The following ABCA7 variants were observed in gnomAD, a reference collection of about 807,000 sequenced individuals.
The protein encoded by ABCA7 is ATP binding cassette subfamily A member 7, also known as phospholipid-transporting ATPase ABCA7.
ABCA7 carries 261 observed loss-of-function variants against 227.6 expected under a neutral mutation model. The observed-to-expected ratio is 1.15, with a 90% CI of 1.04 to 1.27. The LOEUF (loss-of-function observed/expected upper bound fraction) is 1.27, where lower values mean the gene tolerates loss of function less well. Among genes scored for constraint, ABCA7 ranks in the 50% most tolerant of loss-of-function variants. The pLI, the probability that ABCA7 is intolerant of heterozygous loss-of-function variation, is 0.00. For missense variants in ABCA7, 3,331 were observed against 2,924.5 expected (o/e 1.14, Z -3.21); for synonymous variants, 1,488 against 1,279.7 (o/e 1.16, Z -3.47).
rs759759637 is a variant in ABCA7 at position 1,047,009 on chromosome 19, G to C, written c.1830G>C (p.Leu610=). 1.9e-6 allele frequency: 3 copies of C among 1,569,000 alleles called. No individual in the cohort carries two copies. The South Asian group carries it at 3.5e-5, about 18-fold the overall frequency. The change falls in exon 14 of 47, where the codon CTG becomes CTC. Residue 610 remains leucine, a synonymous_variant. Transcript: ENST00000263094. ...LGPFLLSAAL[L]VLVLKLGDIL... Reference sequence around the variant, plus strand: ...CCTTCCTGCTCAGCGCCGCACTGCTGGTTCTGGTGCTCAAGGTGGGCGCGC... The same window carrying C: ...CCTTCCTGCTCAGCGCCGCACTGCTCGTTCTGGTGCTCAAGGTGGGCGCGC...
rs757220996 is a variant in ABCA7 at position 1,054,258 on chromosome 19, G to A, written c.3643G>A (p.Ala1215Thr). The change falls in exon 27 of 47, where the codon GCA becomes ACA. Residue 1215 changes from alanine (A) to threonine (T), a missense_variant. Transcript: ENST00000263094. This position sits in a 1 kb window ranked among gnomAD's most constrained non-coding sequence, Gnocchi z 4.8. ...CGCCGTGGGCCGGGTACAGGGCTGG[G>A]CACTGACCCGCCAGCAGCTCCAGGC... is the stretch of plus-strand genomic sequence containing the variant. ...PDAVGRVQGW[A>T]LTRQQLQALL... 1.9e-6 allele frequency: 3 copies of A among 1,608,378 alleles called. No homozygotes were observed. The highest frequency in any genetic ancestry group is 3.3e-5 in the Admixed American group (2 of 59,862).
Position 1,046,952 on chromosome 19 carries a change from C to G in ABCA7, c.1773C>G (p.Leu591=), listed in dbSNP as rs1369213081. Residue 591 remains leucine (L), a synonymous_variant, in exon 14 of 47, where the codon CTC becomes CTG. Coordinates refer to ENST00000263094, the MANE Select transcript of ABCA7 (RefSeq NM_019112.4). ...MRAMGLSRAV[L]WLGWFLSCLG... The stretch of plus-strand genomic sequence containing the variant: ...CCATGGGGCTCAGCCGCGCGGTGCT[C>G]TGGCTAGGCTGGTTCCTCAGCTGCC... 6.3e-7 allele frequency: 1 copy of G among 1,575,660 alleles called. No individual in the cohort carries two copies.
chr19:1,050,363 G>C (rs1158889984), intron 18 of ABCA7, among the ~76,000 whole-genome samples: 3 of 151,208 alleles, frequency 2.0e-5, no homozygotes, highest in Non-Finnish European at 3.0e-5. Flanking sequence ...AGTGAGCCGA[G>C]ACTGTGCCGT....
chr19:1,056,503 AGT>A lies in ABCA7; in HGVS notation c.4586+5_4586+6del. The A allele has an allele frequency of 6.2e-7, 1 of 1,610,546 alleles. No individual in the cohort carries two copies. ...AGCAGCTGTCTGAGGGTGCACTGTG[AGT>A]CCCTCCACCCTGCATGTCCTACCCT... is the stretch of plus-strand genomic sequence containing the variant. On this transcript the variant is annotated splice_donor_5th_base_variant and intron_variant, in intron 33 of 46. Coordinates refer to ENST00000263094, the MANE Select transcript of ABCA7 (RefSeq NM_019112.4). The surrounding 1 kb of genome is among the most constrained non-coding windows in gnomAD (Gnocchi z 4.3).
intron 7 of ABCA7, 50 bp from the exon 8 acceptor site, chr19:1,042,991 G>C (rs752798142): frequency 1.3e-6 from 2 of 1,557,832 alleles, no homozygotes; most frequent in Non-Finnish European, 1.7e-6. Context: ...GCCCTGGTTA[G>C]GGCTTGGAGG....
In ABCA7 at chr19:1,057,951, C is replaced by A; in HGVS notation, c.4917C>A (p.Phe1639Leu). 3 of 1,614,058 alleles carry A rather than the reference C, an allele frequency of 1.9e-6. No individual in the cohort carries two copies. Among genetic ancestry groups the A allele is most frequent in the Non-Finnish European group, 2.5e-6 (3 of 1,180,026 alleles). The change falls in exon 36 of 47, where the codon TTC (phenylalanine) becomes TTA (leucine). Residue 1639 changes from phenylalanine (F) to leucine (L), a missense_variant. Phe to Leu is a conservative substitution (Grantham distance 22). Transcript: ENST00000263094. ...CACCGCTCATGTACCCAGCCTCCTTCTTCTTCTCCGTGCCCAGCACAGCCT... is the reference window on the plus strand; with the variant it reads ...CACCGCTCATGTACCCAGCCTCCTTATTCTTCTCCGTGCCCAGCACAGCCT... ...SITPLMYPASFFFSVPSTAYV... is the reference protein window; with the variant it reads ...SITPLMYPASLFFSVPSTAYV...
Position 1,065,383 on chromosome 19 carries a change from C to A in ABCA7, c.6399C>A (p.Ser2133Arg). Residue 2133 changes from serine (S) to arginine (R), a missense_variant, in exon 47 of 47, where the codon AGC (serine) becomes AGA (arginine). Physicochemically the swap from Ser to Arg is moderately radical, Grantham distance 110. Coordinates refer to ENST00000263094, the MANE Select transcript of ABCA7 (RefSeq NM_019112.4). ...APGLQHPKRVSQFLDDPSTAE... is the reference protein window; with the variant it reads ...APGLQHPKRVRQFLDDPSTAE... Reference sequence around the variant, plus strand: ...GCCTGCAGCACCCCAAACGCGTCAGCCAGTTCCTCGATGACCCTAGCACTG... The same window carrying A: ...GCCTGCAGCACCCCAAACGCGTCAGACAGTTCCTCGATGACCCTAGCACTG... 1 of 1,613,596 alleles carries A rather than the reference C, an allele frequency of 6.2e-7. No homozygotes were observed.
At chr19:1,047,429 C>A in intron 15 of ABCA7, 24 bp from the exon 16 acceptor site, 1 of 1,538,084 alleles carries the variant, frequency 6.5e-7, no homozygotes, top group Non-Finnish European at 8.7e-7. Flanking sequence ...TTCGGCCGCT[C>A]ACTGACCGCC....
chr19:1,057,367 GCAGAGGGCATATGTGGC>G lies in ABCA7; in HGVS notation c.4820_4836del (p.Gln1607ProfsTer58), dbSNP rs1334908084. 6.2e-7 allele frequency: 1 copy of G among 1,613,836 alleles called. No homozygotes were observed. The highest frequency in any genetic ancestry group is 8.5e-7 in the Non-Finnish European group (1 of 1,180,036). On this transcript the variant is annotated frameshift_variant, in exon 35 of 47. Coordinates refer to ENST00000263094, the MANE Select transcript of ABCA7 (RefSeq NM_019112.4). LOFTEE classifies it high-confidence loss of function. The stretch of plus-strand genomic sequence containing the variant: ...TGGTGCTCATCTTTCTGGCCTTCCA[GCAGAGGGCATATGTGGC>G]CCCTGCCAACCTGCCTGCTCTCCTG...
intron 18 of ABCA7, 45 bp from the exon 19 acceptor site, chr19:1,050,876 G>T: frequency 6.8e-7 from 1 of 1,469,400 alleles, no homozygotes; most frequent in Non-Finnish European, 9.0e-7. Context: ...GTAACTGCCA[G>T]TGCACTCTGT....
chr19:1,065,267 T>C lies in ABCA7; in HGVS notation c.6286-3T>C. On this transcript the variant is annotated splice_polypyrimidine_tract_variant and splice_region_variant and intron_variant, in intron 46 of 46. Transcript: ENST00000263094. The stretch of plus-strand genomic sequence containing the variant: ...TTGTCCCCTCTGGGCTGCCCACCGC[T>C]AGGTATTCTTGTACTTCTCCAAGGA... 1 of 1,613,066 alleles carries C rather than the reference T, an allele frequency of 6.2e-7. No individual in the cohort carries two copies. The highest frequency in any genetic ancestry group is 8.5e-7 in the Non-Finnish European group (1 of 1,179,928).
rs766877133 is a variant in ABCA7, at chr19:1,045,047, C to G, written c.1261C>G (p.Leu421Val). Residue 421 changes from leucine (L) to valine (V), a missense_variant, in exon 12 of 47, where the codon CTG (leucine) becomes GTG (valine). Leu to Val is a conservative substitution (Grantham distance 32). Coordinates refer to ENST00000263094, the MANE Select transcript of ABCA7 (RefSeq NM_019112.4). Reference sequence around the variant, plus strand: ...GGAGGCGGCACCCTCAGAGGCAGCCCTGGTGTCGCGGGCCCTGCAACTGCT... The same window carrying G: ...GGAGGCGGCACCCTCAGAGGCAGCCGTGGTGTCGCGGGCCCTGCAACTGCT... ...KLEAAPSEAA[L>V]VSRALQLLAE... The G allele has an allele frequency of 6.2e-7, 1 of 1,612,796 alleles. No individual in the cohort carries two copies. Among genetic ancestry groups the G allele is most frequent in the African/African-American group, 1.3e-5 (1 of 74,904 alleles).
intron 13 of ABCA7, 130 bp from the exon 14 acceptor site, chr19:1,046,672 G>A (rs1169519971): frequency 1.0e-5 from 12 of 1,173,424 alleles, no homozygotes; most frequent in Non-Finnish European, 1.4e-5. Flanking sequence ...GCTGGATCAG[G>A]TTCCAAGGAA....
At chr19:1,057,171 A>G in intron 34 of ABCA7, 87 bp downstream of exon 34, 3 of 1,555,372 alleles carry the variant, frequency 1.9e-6, no homozygotes, top group Non-Finnish European at 1.7e-6. Context: ...CTTGTCCAAG[A>G]TGGCCTGGGT....
chr19:1,057,204 A>G, intron 34 of ABCA7, 110 bp from the exon 35 acceptor site: 2 of 1,550,406 alleles, frequency 1.3e-6, no homozygotes, highest in African/African-American at 2.7e-5. Flanking sequence ...ATTGTGGGAG[A>G]CTTTGTGCCT....
At position 1,062,283 on chromosome 19, in the gene ABCA7, G is replaced by A. The variant is rs1300074050; in HGVS notation, c.5682G>A (p.Leu1894=). 6.2e-7 allele frequency: 1 copy of A among 1,608,570 alleles called. No homozygotes were observed. Among genetic ancestry groups the A allele is most frequent in the Non-Finnish European group, 8.5e-7 (1 of 1,179,626 alleles). Reference sequence around the variant, plus strand: ...AGCACCTGGAGCTGCTTGCGCGCCTGCGCGGTGTCCCGGAGGCCCAGGTTG... The same window carrying A: ...AGCACCTGGAGCTGCTTGCGCGCCTACGCGGTGTCCCGGAGGCCCAGGTTG... ...GREHLELLAR[L]RGVPEAQVAQ... is the part of the protein sequence containing the mutation. The change falls in exon 42 of 47, where the codon CTG becomes CTA. Residue 1894 remains leucine (L), a synonymous_variant. Coordinates refer to ENST00000263094, the MANE Select transcript of ABCA7 (RefSeq NM_019112.4).
At position 1,055,203 on chromosome 19, in the gene ABCA7, C is replaced by T. The variant is rs766588125; in HGVS notation, c.4057C>T (p.Arg1353Trp). ...CTGCCAGTGTAGCCGGCCCGGTGCC[C>T]GGCGCCTGCTGCCCGACTGCCCGGC... ...PACQCSRPGA[R>W]RLLPDCPAAA... Residue 1353 changes from arginine to tryptophan, a missense_variant, in exon 30 of 47, where the codon CGG becomes TGG. Transcript: ENST00000263094. 22 of 1,610,568 alleles carry T rather than the reference C, an allele frequency of 1.4e-5. No homozygotes were observed. Among genetic ancestry groups the T allele is most frequent in the African/African-American group, 6.7e-5 (5 of 74,844 alleles).
rs957670988 is a variant in ABCA7 at position 1,040,118 on chromosome 19, A to G, written c.-216A>G. 9.2e-5 allele frequency: 14 copies of G among 152,264 alleles called. No homozygotes were observed. Among genetic ancestry groups the G allele is most frequent in the Non-Finnish European group, 1.6e-4 (11 of 68,072 alleles). 9.4% of individuals were successfully genotyped at this position (152,264 alleles called of 1,614,324 possible). A position where few individuals can be genotyped will look rare whatever the true frequency, so the allele number is the denominator to read the frequency against. ...CTACCTGCGCGGGCAAGCTCAGCGC[A>G]CTTGGCTTAAGGGGCGGCGCGCTCC... On this transcript the variant is annotated 5_prime_UTR_variant, in exon 1 of 47. Coordinates refer to ENST00000263094, the MANE Select transcript of ABCA7 (RefSeq NM_019112.4).
rs370830375 is a variant in ABCA7, at chr19:1,053,277, C to T, written c.3221-52C>T. ...CACCAATGCCTCTTCCCCAGGGAGA[C>T]TGGGGTGGGGCGTGAGCCGGGGCTC... On this transcript the variant is annotated intron_variant, in intron 23 of 46. Transcript: ENST00000263094. 256 of 1,553,758 alleles carry T rather than the reference C, an allele frequency of 1.6e-4. 3 individuals are homozygous for T. The South Asian group carries it at 2.8e-3, about 17-fold the overall frequency.
Sources: allele counts gnomAD v4.1 joint callset (sites outside exome capture counted in the v4.1 genomes callset), GRCh38; gene constraint gnomAD v4.1.1; non-coding constraint Gnocchi (gnomAD v3.1); transcripts MANE v1.5; gene names NCBI Gene and HGNC (gene_info 2026-07-23, HGNC 2026-07-21).